Variants in TMEM223 observed in about 807,000 individuals in gnomAD.
TMEM223 encodes transmembrane protein 223.
In TMEM223, 14 loss-of-function variants were observed where a neutral mutation model predicts 14.1. The observed-to-expected ratio is 0.99, with a 90% CI of 0.66 to 1.55. The LOEUF (loss-of-function observed/expected upper bound fraction) is 1.55. Ranked by LOEUF, TMEM223 falls within the 40% of genes most tolerant of loss-of-function variation. The pLI, the probability that TMEM223 is intolerant of heterozygous loss-of-function variation, is 0.00. For synonymous variants in TMEM223, 145 were observed against 120.5 expected (o/e 1.20, Z -1.33); for missense variants, 346 against 269.9 (o/e 1.28, Z -1.97).
intron 2 of TMEM223, among the ~76,000 whole-genome samples, chr11:62,773,359 G>T (rs935690018): frequency 6.6e-6 from 1 of 151,662 alleles, no homozygotes; most frequent in African/African-American, 2.4e-5. Flanking sequence ...TATTGTCCAG[G>T]CTGGTCTAGA....
chr11:62,786,833 C>T (rs757528049), downstream of TMEM223: 85 of 1,602,588 alleles, frequency 5.3e-5, no homozygotes, highest in South Asian at 9.4e-4. Flanking sequence ...CCGCGGCCGC[C>T]CGGGGACAAG....
intron 1 of TMEM223, chr11:62,778,768 G>A: frequency 1.0e-6 from 1 of 992,652 alleles, no homozygotes; most frequent in Non-Finnish European, 1.6e-6. Context: ...AAGGCTTCTT[G>A]TGGATGTGTG....
rs372084629 is a variant in TMEM223 at position 62,790,868 on chromosome 11, G to A, written c.364C>T (p.Arg122Cys). ...AGLLFSLRSV[R>C]SVVLRAGGQQ... The stretch of plus-strand genomic sequence containing the variant: ...CCTCCAGCTCGAAGCACCACTGAGC[G>A]CACAGACCGGAGAGAGAAGAGAAGA... Residue 122 changes from arginine to cysteine, a missense_variant, in exon 2 of 2, where the codon CGC becomes TGC. Transcript: ENST00000307366. 8.1e-6 allele frequency: 13 copies of A among 1,603,602 alleles called. No individual in the cohort carries two copies. Among genetic ancestry groups the A allele is most frequent in the East Asian group, 4.5e-5 (2 of 44,476 alleles).
At chr11:62,775,840 C>A in intron 1 of TMEM223, 1 of 1,613,270 alleles carries the variant, frequency 6.2e-7, no homozygotes, top group African/African-American at 1.3e-5. Flanking sequence ...CTGTCCGGCT[C>A]ATGGCGGAGA....
chr11:62,782,763 C>A (rs1157993720), downstream of TMEM223: 1 of 1,613,232 alleles, frequency 6.2e-7, no homozygotes, highest in East Asian at 2.2e-5. Context: ...CCTGGCAGAT[C>A]CTGTGCGGCC....
chr11:62,789,740 C>T (rs762645399), downstream of TMEM223: 1 of 1,516,404 alleles, frequency 6.6e-7, no homozygotes, highest in Admixed American at 2.1e-5. Context: ...TGGGTGCTCA[C>T]CAGTGTATTG....
chr11:62,782,703 G>A, downstream of TMEM223: 1 of 1,612,212 alleles, frequency 6.2e-7, no homozygotes, highest in Non-Finnish European at 8.5e-7. Context: ...GACTCATGGG[G>A]ACCTTGTAAG....
chr11:62,789,196 C>T (rs368464361), downstream of TMEM223: 5 of 1,614,148 alleles, frequency 3.1e-6, no homozygotes, highest in South Asian at 1.1e-5. Flanking sequence ...GCAGCTGCAT[C>T]GAGGACTCCC....
chr11:62,789,023 G>A (rs764259522), downstream of TMEM223: 1 of 1,610,302 alleles, frequency 6.2e-7, no homozygotes, highest in South Asian at 1.1e-5. Flanking sequence ...CTCTCCACAG[G>A]GCTCCTTCAG....
chr11:62,787,017 G>A, downstream of TMEM223: 1 of 1,490,658 alleles, frequency 6.7e-7, no homozygotes, highest in Non-Finnish European at 8.9e-7. Context: ...TGCATCGGGC[G>A]CGCGGGGCAC....
In TMEM223 at chr11:62,791,923, G is replaced by T. The variant is rs1365458769; in HGVS notation, c.72C>A (p.Pro24=). The T allele has an allele frequency of 6.3e-7, 1 of 1,598,482 alleles. No individual in the cohort carries two copies. The highest frequency in any genetic ancestry group is 2.3e-5 in the East Asian group (1 of 44,164). Residue 24 remains proline, a synonymous_variant, in exon 1 of 2, where the codon CCC becomes CCA. Coordinates refer to ENST00000307366, the MANE Select transcript of TMEM223 (RefSeq NM_001080501.3). ...AVLRPLLTCR[P]LQGTTLQRDV... is the part of the protein sequence containing the mutation. ...CCCGTTGCAGCGTCGTGCCTTGCAG[G>T]GGCCGGCAGGTGAGCAGGGGCCGCA... is the stretch of plus-strand genomic sequence containing the variant.
chr11:62,775,985 C>G (rs936470959), intron 1 of TMEM223: 12 of 1,555,120 alleles, frequency 7.7e-6, no homozygotes, highest in Non-Finnish European at 1.0e-5. Context: ...TGCCTTTTTA[C>G]TAACCTCCAC....
intron 2 of TMEM223, among the ~76,000 whole-genome samples, chr11:62,772,855 T>C (rs2084159056): frequency 1.3e-5 from 2 of 151,868 alleles, no homozygotes; most frequent in South Asian, 2.1e-4. Flanking sequence ...AGAAGATCTT[T>C]TTTTTTTGTT....
At chr11:62,780,941 A>C (rs577665579) in intron 1 of TMEM223, among the ~76,000 whole-genome samples, 141 of 148,822 alleles carry the variant, frequency 9.5e-4, no homozygotes, top group African/African-American at 3.1e-3. Context: ...CATCTCAAAA[A>C]AAAAAAAAAA....
chr11:62,781,524 A>G (rs183517864), intron 1 of TMEM223, among the ~76,000 whole-genome samples: 2,348 of 151,964 alleles, frequency 0.015, 50 homozygotes, highest in African/African-American at 0.054. Context: ...AATAGAAAAA[A>G]TTAGCCGGGT....
downstream of TMEM223, chr11:62,786,450 C>G: frequency 6.3e-7 from 1 of 1,596,578 alleles, no homozygotes; most frequent in Non-Finnish European, 8.6e-7. Flanking sequence ...AGCAGGCTTA[C>G]TTTGGAATAT....
intron 1 of TMEM223, among the ~76,000 whole-genome samples, chr11:62,780,111 G>A (rs1009319212): frequency 6.0e-5 from 9 of 150,592 alleles, no homozygotes; most frequent in African/African-American, 2.2e-4. Context: ...TTGAAGTCAG[G>A]AGTTCGAGAC....
intron 1 of TMEM223, among the ~76,000 whole-genome samples, chr11:62,775,077 A>G (rs7926042): frequency 0.022 from 3,298 of 151,656 alleles, 116 homozygotes; most frequent in African/African-American, 0.077. Flanking sequence ...AAAAAAAAAA[A>G]AAAGAAAAGA....
downstream of TMEM223, among the ~76,000 whole-genome samples, chr11:62,784,394 T>G (rs1056715055): frequency 4.0e-5 from 6 of 150,384 alleles, no homozygotes; most frequent in Middle Eastern, 3.4e-3. Flanking sequence ...AACCTCCGCC[T>G]CCCGGGTTCA....
Sources: gnomAD v4.1 joint callset for allele counts (sites outside exome capture counted in the v4.1 genomes callset) on GRCh38, gnomAD v4.1.1 for gene constraint, MANE v1.5 for transcripts, NCBI Gene and HGNC (gene_info 2026-07-23, HGNC 2026-07-21) for gene names.